The following DSCAM variants were observed in gnomAD, a reference collection of about 807,000 sequenced individuals.
DSCAM encodes DS cell adhesion molecule, also known as cell adhesion molecule DSCAM.
DSCAM carries 47 observed loss-of-function variants against 217.7 expected under a neutral mutation model. The observed-to-expected ratio is 0.22, with a 90% CI of 0.17 to 0.28. The LOEUF (loss-of-function observed/expected upper bound fraction) is 0.28, where lower values mean the gene tolerates loss of function less well. DSCAM is among the 10% of genes least tolerant of loss of function. DSCAM has a pLI of 1.00. For missense variants in DSCAM, 2,080 were observed against 2,618.3 expected (o/e 0.79, Z 4.49); for synonymous variants, 1,056 against 1,015.3 (o/e 1.04, Z -0.76).
At chr21:40,693,941 G>A (rs1381764263) in intron 2 of DSCAM, among the ~76,000 whole-genome samples, 2 of 152,124 alleles carry the variant, frequency 1.3e-5, no homozygotes, top group Non-Finnish European at 2.9e-5. Flanking sequence ...CTGACTGTGG[G>A]GCAGTGAGCA....
intron 3 of DSCAM, among the ~76,000 whole-genome samples, chr21:40,659,690 TTATC>T (rs977128232): frequency 1.3e-5 from 2 of 152,152 alleles, no homozygotes; most frequent in African/African-American, 4.8e-5. Context: ...TGTCTATCTA[TTATC>T]TATCTATGTA....
At chr21:40,589,390 A>G (rs1041144606) in intron 3 of DSCAM, among the ~76,000 whole-genome samples, 9 of 152,204 alleles carry the variant, frequency 5.9e-5, no homozygotes, top group African/African-American at 9.6e-5. Context: ...AGCCTGGCCA[A>G]TATGGTGAAA....
chr21:40,558,942 T>C (rs2076694191), intron 3 of DSCAM, among the ~76,000 whole-genome samples: 1 of 152,334 alleles, frequency 6.6e-6, no homozygotes, highest in South Asian at 2.1e-4. Flanking sequence ...ATTTGTATTA[T>C]GTGCATAAAA....
rs551824627 is a variant in DSCAM at position 40,650,850 on chromosome 21, G to T, written c.508+41960C>A. 7.2e-5 allele frequency among the ~76,000 whole-genome samples: 11 copies of T among 152,294 alleles called. No homozygotes were observed. In the South Asian group the frequency reaches 2.3e-3, roughly 32 times the overall value. On this transcript the variant is annotated intron_variant, in intron 3 of 32. Coordinates refer to ENST00000400454, the MANE Select transcript of DSCAM (RefSeq NM_001389.5). ...AATTGGTTGAACCTGGGAGGCGGAGGTTGCAGAGAGCTGAGATCGCACCAC... is the reference window on the plus strand; with the variant it reads ...AATTGGTTGAACCTGGGAGGCGGAGTTTGCAGAGAGCTGAGATCGCACCAC...
intron 32 of DSCAM, among the ~76,000 whole-genome samples, chr21:40,021,368 G>A (rs1452054908): frequency 6.6e-6 from 1 of 152,116 alleles, no homozygotes; most frequent in Non-Finnish European, 1.5e-5. Flanking sequence ...AGAAAGGTGA[G>A]TACTATGAGA....
At chr21:40,496,229 A>G (rs77496714) in intron 3 of DSCAM, among the ~76,000 whole-genome samples, 2,595 of 152,302 alleles carry the variant, frequency 0.017, 60 homozygotes, top group African/African-American at 0.04. Context: ...ATCTTGAGCA[A>G]AAGAACAAGT....
chr21:40,668,945 G>C (rs2090236238), intron 3 of DSCAM, among the ~76,000 whole-genome samples: 1 of 152,116 alleles, frequency 6.6e-6, no homozygotes, highest in Non-Finnish European at 1.5e-5. Flanking sequence ...TGAAAAGATT[G>C]TATTGAGTTC....
rs970971668 is a variant in DSCAM, at chr21:40,678,296, A to C, written c.508+14514T>G. 1.3e-5 allele frequency among the ~76,000 whole-genome samples: 2 copies of C among 152,188 alleles called. 1 individual carries two copies. Among genetic ancestry groups the C allele is most frequent in the Admixed American group, 1.3e-4 (2 of 15,270 alleles). On this transcript the variant is annotated intron_variant, in intron 3 of 32. Transcript: ENST00000400454. ...ACTTTAAAAGCATTGCCTTATCCAG[A>C]ATAAGTGCTTAAATGACAGTAATGG...
Position 40,182,596 on chromosome 21 carries a change from G to C in DSCAM, c.2780-3502C>G, listed in dbSNP as rs114481025. ...GAGAAACTGTGGACAGGAGGGGCCA[G>C]CAGAGAAACCGTGGACAGAACGGGC... On this transcript the variant is annotated intron_variant, in intron 14 of 32. Transcript: ENST00000400454. Among the ~76,000 whole-genome samples the C allele has an allele frequency of 8.4e-3, 961 of 113,918 alleles. 17 individuals are homozygous for C. Among genetic ancestry groups the C allele is most frequent in the African/African-American group, 0.035 (904 of 25,488 alleles). 74.7% of individuals were successfully genotyped at this position (113,918 alleles called of 152,430 possible).
chr21:40,203,529 A>C (rs2091093177), intron 11 of DSCAM, among the ~76,000 whole-genome samples: 1 of 152,236 alleles, frequency 6.6e-6, no homozygotes, highest in South Asian at 2.1e-4. Flanking sequence ...GAAGCAGCTC[A>C]GGCTTTGGAA....
chr21:40,128,838 C>G (rs2090125198), intron 19 of DSCAM, among the ~76,000 whole-genome samples: 1 of 152,126 alleles, frequency 6.6e-6, no homozygotes, highest in Non-Finnish European at 1.5e-5. Flanking sequence ...GACCTGGATG[C>G]CTGACCCTTA....
At chr21:40,021,556 AC>A (rs767884079) in intron 32 of DSCAM, among the ~76,000 whole-genome samples, 3 of 152,254 alleles carry the variant, frequency 2.0e-5, no homozygotes, top group East Asian at 3.9e-4. Context: ...TCTGGAGGGA[AC>A]CCAGGCAGCT....
At chr21:40,378,096 T>G (rs1601598647) in intron 3 of DSCAM, among the ~76,000 whole-genome samples, 1 of 152,290 alleles carries the variant, frequency 6.6e-6, no homozygotes, top group Non-Finnish European at 1.5e-5. Flanking sequence ...TCCACGTCAT[T>G]ACCAAATGAC....
intron 1 of DSCAM, among the ~76,000 whole-genome samples, chr21:40,845,183 T>A (rs1458263628): frequency 6.6e-6 from 1 of 152,254 alleles, no homozygotes; most frequent in African/African-American, 2.4e-5. Flanking sequence ...CTTGTTGCAA[T>A]TCTTTCCTGC....
At chr21:40,536,310 A>G (rs2076495676) in intron 3 of DSCAM, among the ~76,000 whole-genome samples, 1 of 151,272 alleles carries the variant, frequency 6.6e-6, no homozygotes, top group Admixed American at 6.6e-5. Context: ...AGGTCAGGTC[A>G]TTACAGAGGT....
chr21:40,735,992 C>G (rs2091059674), intron 1 of DSCAM, among the ~76,000 whole-genome samples: 1 of 152,152 alleles, frequency 6.6e-6, no homozygotes, highest in Non-Finnish European at 1.5e-5. Flanking sequence ...GCTACCCACA[C>G]TTCAGTCCAA....
At chr21:40,430,893 T>C (rs1046800052) in intron 3 of DSCAM, among the ~76,000 whole-genome samples, 1 of 152,216 alleles carries the variant, frequency 6.6e-6, no homozygotes, top group Non-Finnish European at 1.5e-5. Flanking sequence ...GGCATTCTTC[T>C]TCTCTAGCTG....
At position 40,545,261 on chromosome 21, in the gene DSCAM, T is replaced by C. The variant is rs79558592; in HGVS notation, c.508+147549A>G. ...ATGTCCAGCCCCTAAAATTGAGAAA[T>C]CAATGTCTGTTGTTTAAGCCACCCA... On this transcript the variant is annotated intron_variant, in intron 3 of 32. Transcript: ENST00000400454. Among the ~76,000 whole-genome samples the C allele has an allele frequency of 4.2e-3, 632 of 152,244 alleles. 17 individuals carry two copies. The South Asian group carries it at 0.052, about 13-fold the overall frequency.
intron 3 of DSCAM, among the ~76,000 whole-genome samples, chr21:40,569,991 T>C (rs1211908323): frequency 6.6e-6 from 1 of 151,736 alleles, no homozygotes; most frequent in Admixed American, 6.6e-5. Flanking sequence ...CTGGGATGAG[T>C]GCAGGAGAAC....
Sources: allele counts gnomAD v4.1 joint callset (sites outside exome capture counted in the v4.1 genomes callset), GRCh38; gene constraint gnomAD v4.1.1; transcripts MANE v1.5; gene names NCBI Gene and HGNC (gene_info 2026-07-23, HGNC 2026-07-21).